The following USP35 variants were observed in gnomAD, a reference collection of about 807,000 sequenced individuals.
USP35 encodes the protein ubiquitin specific peptidase 35, also known as ubiquitin carboxyl-terminal hydrolase 35.
USP35 carries 69 observed loss-of-function variants against 83.8 expected under a neutral mutation model. The observed-to-expected ratio is 0.82, with a 90% CI of 0.68 to 1.01. The LOEUF is 1.01. Among genes scored for constraint, USP35 ranks in the 50% least tolerant of loss-of-function variants. The pLI is 0.00. For synonymous variants in USP35, 714 were observed against 589.5 expected (o/e 1.21, Z -3.06); for missense variants, 1,503 against 1,362.5 (o/e 1.10, Z -1.62).
In USP35 at chr11:78,196,762, G is replaced by A. The variant is rs771442375; in HGVS notation, c.517G>A (p.Gly173Ser). 2.6e-6 allele frequency: 4 copies of A among 1,532,698 alleles called. No individual in the cohort carries two copies. The highest frequency in any genetic ancestry group is 1.2e-5 in the South Asian group (1 of 83,694). 94.9% of individuals were successfully genotyped at this position (1,532,698 alleles called of 1,614,324 possible). A position where few individuals can be genotyped will look rare whatever the true frequency, so the allele number is the denominator to read the frequency against. ...CTGCCAGCAGCTGGTGCGTTGCCTC[G>A]GCCGCTTCCGCTGCCCAGCCGAAGG... ...LFCQQLVRCL[G>S]RFRCPAEGEE... is the part of the protein sequence containing the mutation. Residue 173 changes from glycine to serine, a missense_variant, in exon 2 of 11, where the codon GGC becomes AGC. Physicochemically the swap from Gly to Ser is moderately conservative, Grantham distance 56. Coordinates refer to ENST00000529308, the MANE Select transcript of USP35 (RefSeq NM_020798.4). This position sits in a 1 kb window ranked among gnomAD's most constrained non-coding sequence, Gnocchi z 4.8.
rs1169608234 is a variant in USP35 at position 78,205,966 on chromosome 11, T to C, written c.1322T>C (p.Ile441Thr). ...RLMAKSDTGK[I>T]GLINLGNTCY... Reference sequence around the variant, plus strand: ...ATGGCCAAGTCAGACACGGGCAAGATTGGTCTCATCAACCTGGGCAACACA... The same window carrying C: ...ATGGCCAAGTCAGACACGGGCAAGACTGGTCTCATCAACCTGGGCAACACA... The change falls in exon 7 of 11, where the codon ATT becomes ACT. Residue 441 changes from isoleucine to threonine, a missense_variant. Physicochemically the swap from Ile to Thr is moderately conservative, Grantham distance 89 (BLOSUM62 -1). Coordinates refer to ENST00000529308, the MANE Select transcript of USP35 (RefSeq NM_020798.4). 2 of 1,614,234 alleles carry C rather than the reference T, an allele frequency of 1.2e-6. No individual in the cohort carries two copies. Among genetic ancestry groups the C allele is most frequent in the South Asian group, 2.2e-5 (2 of 91,090 alleles).
At chr11:78,201,810 A>T (rs1245883951) in intron 6 of USP35, among the ~76,000 whole-genome samples, 1 of 151,658 alleles carries the variant, frequency 6.6e-6, no homozygotes, top group African/African-American at 2.4e-5. Context: ...AGGTAGTGAG[A>T]CATGTAGCTG....
chr11:78,207,868 TC>T (rs1424846786), intron 8 of USP35, among the ~76,000 whole-genome samples: 4 of 152,248 alleles, frequency 2.6e-5, no homozygotes, highest in Non-Finnish European at 4.4e-5. Context: ...ATTCAGTCCA[TC>T]CATCGCATTA....
chr11:78,222,420 G>A, the USP35 span, among the ~76,000 whole-genome samples: 1 of 151,162 alleles, frequency 6.6e-6, no homozygotes, highest in African/African-American at 2.4e-5. Context: ...CTGTATCTAT[G>A]GTAATTATAT....
intron 10 of USP35, among the ~76,000 whole-genome samples, chr11:78,211,199 C>T (rs1043778780): frequency 5.3e-5 from 8 of 150,284 alleles, no homozygotes; most frequent in African/African-American, 1.2e-4. Flanking sequence ...TAAGAGCATG[C>T]GGTATTTGGT....
rs1474904548 is a variant in USP35, at chr11:78,209,760, A to G, written c.1905A>G (p.Pro635=). Residue 635 remains proline, a synonymous_variant, in exon 10 of 11, where the codon CCA becomes CCG. Coordinates refer to ENST00000529308, the MANE Select transcript of USP35 (RefSeq NM_020798.4). ...ELPPPTSAQG[P]GRVGPRRQRK... The stretch of plus-strand genomic sequence containing the variant: ...CCCCACCAACCAGTGCACAGGGGCC[A>G]GGCAGGGTGGGTCCTCGGAGGCAAA... 5 of 1,613,946 alleles carry G rather than the reference A, an allele frequency of 3.1e-6. No individual in the cohort carries two copies. The African/African-American group carries it at 4.0e-5, about 13-fold the overall frequency.
At chr11:78,201,136 C>T (rs966190089) in intron 6 of USP35, among the ~76,000 whole-genome samples, 1 of 152,218 alleles carries the variant, frequency 6.6e-6, no homozygotes. Flanking sequence ...CCTTGTAAGT[C>T]TCTGTTCTAG....
intron 4 of USP35, 25 bp from the exon 5 acceptor site, chr11:78,200,108 C>G: frequency 1.9e-6 from 3 of 1,613,414 alleles, no homozygotes; most frequent in Non-Finnish European, 2.5e-6. Context: ...AGCCTGGGGA[C>G]TCCTGACCAG....
In USP35 at chr11:78,203,891, TC is replaced by T. The variant is rs201703822; in HGVS notation, c.1198-1950del. ...CTGTACCCAGCCCATATTTTTCTTT[TC>T]TTTTTTTTTTTTTTTTGAGACGGAG... On this transcript the variant is annotated intron_variant, in intron 6 of 10. Coordinates refer to ENST00000529308, the MANE Select transcript of USP35 (RefSeq NM_020798.4). 2.6e-3 allele frequency among the ~76,000 whole-genome samples: 370 copies of T among 142,506 alleles called. 29 individuals carry two copies. Among genetic ancestry groups the T allele is most frequent in the African/African-American group, 9.1e-3 (336 of 36,788 alleles). The allele number at this position is 142,506 out of a possible 152,430, so 93.5% of individuals were successfully genotyped here. A position where few individuals can be genotyped will look rare whatever the true frequency, so the allele number is the denominator to read the frequency against.
chr11:78,226,611 C>CGGGGGGGG, the USP35 span: 1 of 282,926 alleles, frequency 3.5e-6, no homozygotes, highest in East Asian at 9.6e-5. Flanking sequence ...CTTGGGGGGG[C>CGGGGGGGG]GGGGTGGGGG....
At chr11:78,203,605 G>A (rs949184855) in intron 6 of USP35, among the ~76,000 whole-genome samples, 4 of 151,488 alleles carry the variant, frequency 2.6e-5, no homozygotes, top group Non-Finnish European at 4.4e-5. Flanking sequence ...TTGAGACAGA[G>A]TCTTGCTCTG....
chr11:78,199,863 T>C, intron 4 of USP35, 139 bp downstream of exon 4: 1 of 1,378,198 alleles, frequency 7.3e-7, no homozygotes, highest in Non-Finnish European at 1.0e-6. Flanking sequence ...ACTGCCCCTC[T>C]CTGGGCCTCA....
At chr11:78,235,251 C>T in the USP35 span, among the ~76,000 whole-genome samples, 2 of 151,906 alleles carry the variant, frequency 1.3e-5, no homozygotes, top group Non-Finnish European at 2.9e-5. Flanking sequence ...CTCCCGGGTT[C>T]ACGCCATTCT....
At chr11:78,229,697 A>C in the USP35 span, among the ~76,000 whole-genome samples, 1 of 152,204 alleles carries the variant, frequency 6.6e-6, no homozygotes, top group African/African-American at 2.4e-5. Flanking sequence ...CCAAACTCCT[A>C]GGTTTATCCC....
At chr11:78,192,362 T>C (rs568008955) in intron 1 of USP35, among the ~76,000 whole-genome samples, 1 of 152,300 alleles carries the variant, frequency 6.6e-6, no homozygotes. Context: ...AGAGTGCAGG[T>C]TCTAATCCTG....
intron 1 of USP35, among the ~76,000 whole-genome samples, chr11:78,190,962 C>T (rs1163741172): frequency 6.6e-6 from 1 of 152,216 alleles, no homozygotes; most frequent in Non-Finnish European, 1.5e-5. Context: ...ATGTCCGGCT[C>T]AGGAGTTTGG....
chr11:78,190,610 C>T (rs1862975790), intron 1 of USP35, among the ~76,000 whole-genome samples: 1 of 152,164 alleles, frequency 6.6e-6, no homozygotes, highest in Non-Finnish European at 1.5e-5. Context: ...AGGGAGGTCC[C>T]AGCCTGGTGG....
chr11:78,233,040 G>GTTTTTTTTTTTTTTTTTTTTTT, the USP35 span, among the ~76,000 whole-genome samples: 1 of 132,004 alleles, frequency 7.6e-6, no homozygotes, highest in Non-Finnish European at 1.6e-5. Context: ...GCACTGTTAA[G>GTTTTTTTTTTTTTTTTTTTTTT]TTTTTTTTTT....
chr11:78,212,165 C>T (rs749105912), intron 10 of USP35, among the ~76,000 whole-genome samples: 2 of 152,198 alleles, frequency 1.3e-5, no homozygotes, highest in Non-Finnish European at 2.9e-5. Flanking sequence ...TATGGCTAGC[C>T]AGTTCTTCCA....
Sources: gnomAD v4.1 joint callset for allele counts (sites outside exome capture counted in the v4.1 genomes callset) on GRCh38, gnomAD v4.1.1 for gene constraint, Gnocchi (gnomAD v3.1) non-coding constraint, MANE v1.5 for transcripts, NCBI Gene and HGNC (gene_info 2026-07-23, HGNC 2026-07-21) for gene names.